The following PTPRO variants were observed in gnomAD, a reference collection of about 807,000 sequenced individuals.
PTPRO encodes receptor-type tyrosine-protein phosphatase O.
PTPRO carries 62 observed loss-of-function variants against 145.2 expected under a neutral mutation model. The ratio of observed to expected loss-of-function variants is 0.43; its 90% CI spans 0.35 to 0.53. The LOEUF is 0.53. PTPRO is among the 20% of genes least tolerant of loss of function. The pLI is 0.01. For synonymous variants in PTPRO, 565 were observed against 514.7 expected (o/e 1.10, Z -1.32); for missense variants, 1,345 against 1,482.7 (o/e 0.91, Z 1.53).
intron 9 of PTPRO, among the ~76,000 whole-genome samples, chr12:15,518,121 G>A (rs574194856): frequency 3.3e-5 from 5 of 152,328 alleles, no homozygotes; most frequent in Admixed American, 1.3e-4. Flanking sequence ...AAATCTAGGT[G>A]GAGGTTCCCA....
intron 1 of PTPRO, among the ~76,000 whole-genome samples, chr12:15,469,152 G>A (rs374210988): frequency 3.0e-4 from 45 of 152,196 alleles, no homozygotes; most frequent in African/African-American, 9.4e-4. Context: ...CATCCATTCC[G>A]AAATAAATGA....
intron 1 of PTPRO, among the ~76,000 whole-genome samples, chr12:15,390,066 G>A (rs1486820423): frequency 6.6e-6 from 1 of 152,184 alleles, no homozygotes; most frequent in Non-Finnish European, 1.5e-5. Context: ...CTATTGATGA[G>A]CTTCCCCAAG....
At chr12:15,341,636 A>G (rs982724542) in intron 1 of PTPRO, among the ~76,000 whole-genome samples, 1 of 152,244 alleles carries the variant, frequency 6.6e-6, no homozygotes, top group African/African-American at 2.4e-5. Flanking sequence ...TATTAAAGGC[A>G]TACTGCCTTT....
At chr12:15,370,156 A>G (rs1938483393) in intron 1 of PTPRO, among the ~76,000 whole-genome samples, 1 of 152,208 alleles carries the variant, frequency 6.6e-6, no homozygotes, top group South Asian at 2.1e-4. Flanking sequence ...TCTTGCAGAC[A>G]GTCTTTGTAT....
chr12:15,580,182 T>A lies in PTPRO; in HGVS notation c.2997+67T>A, dbSNP rs10846214. The stretch of plus-strand genomic sequence containing the variant: ...CCAGAGAAAGACTAGCAGGGCTATA[T>A]GGATGTGTCAAACAGTTCAAAAGAG... On this transcript the variant is annotated intron_variant, in intron 21 of 26. Transcript: ENST00000281171. 0.2 allele frequency: 249,305 copies of A among 1,253,742 alleles called. 25,635 individuals carry two copies. The highest frequency in any genetic ancestry group is 0.27 in the Middle Eastern group (1,448 of 5,444). The allele number at this position is 1,253,742 out of a possible 1,614,324, so 77.7% of individuals were successfully genotyped here.
At chr12:15,517,219 C>G (rs1029506439) in intron 9 of PTPRO, among the ~76,000 whole-genome samples, 1 of 152,160 alleles carries the variant, frequency 6.6e-6, no homozygotes, top group Admixed American at 6.5e-5. Flanking sequence ...CAAGTCATGT[C>G]TTATACAGAT....
chr12:15,479,037 C>T (rs1941722010), intron 1 of PTPRO, among the ~76,000 whole-genome samples: 1 of 152,186 alleles, frequency 6.6e-6, no homozygotes, highest in South Asian at 2.1e-4. Context: ...CTTCACCGCA[C>T]TGAATGTGCG....
intron 12 of PTPRO, among the ~76,000 whole-genome samples, chr12:15,531,674 T>C (rs1401715889): frequency 1.3e-5 from 2 of 152,224 alleles, no homozygotes; most frequent in East Asian, 3.8e-4. Flanking sequence ...AGTTGTGTGA[T>C]AGACCTTTAG....
chr12:15,372,272 A>T (rs1938554375), intron 1 of PTPRO, among the ~76,000 whole-genome samples: 1 of 152,184 alleles, frequency 6.6e-6, no homozygotes, highest in African/African-American at 2.4e-5. Context: ...GAGATATTTG[A>T]TTACCATGAA....
intron 25 of PTPRO, among the ~76,000 whole-genome samples, chr12:15,590,473 C>T (rs527329675): frequency 1.3e-5 from 2 of 152,244 alleles, no homozygotes; most frequent in East Asian, 1.9e-4. Flanking sequence ...GACCTGTAAT[C>T]AGGGTATTTT....
At chr12:15,534,895 T>G (rs1943037084) in intron 12 of PTPRO, among the ~76,000 whole-genome samples, 1 of 152,206 alleles carries the variant, frequency 6.6e-6, no homozygotes, top group Non-Finnish European at 1.5e-5. Context: ...TATATTCTAA[T>G]TCAAAGAAGT....
At chr12:15,360,622 T>C (rs1938144367) in intron 1 of PTPRO, among the ~76,000 whole-genome samples, 1 of 151,084 alleles carries the variant, frequency 6.6e-6, no homozygotes, top group Admixed American at 6.6e-5. Context: ...TCTCTCTCTA[T>C]ATATATATGT....
intron 1 of PTPRO, among the ~76,000 whole-genome samples, chr12:15,383,474 TG>T (rs1565598653): frequency 6.6e-6 from 1 of 152,174 alleles, no homozygotes; most frequent in African/African-American, 2.4e-5. Flanking sequence ...AATGACTTAA[TG>T]TTGATGATAA....
At chr12:15,458,050 T>C (rs1941219523) in intron 1 of PTPRO, among the ~76,000 whole-genome samples, 1 of 152,224 alleles carries the variant, frequency 6.6e-6, no homozygotes, top group Non-Finnish European at 1.5e-5. Context: ...CCGGTAGTGG[T>C]GAATTTCCTC....
intron 1 of PTPRO, among the ~76,000 whole-genome samples, chr12:15,464,624 G>C (rs1941377832): frequency 6.6e-6 from 1 of 151,576 alleles, no homozygotes; most frequent in South Asian, 2.1e-4. Flanking sequence ...CTCCCAAAGT[G>C]CTGGGATTAC....
Position 15,504,024 on chromosome 12 carries a change from G to C in PTPRO, c.1222G>C (p.Glu408Gln), listed in dbSNP as rs745432447. 35 of 1,613,028 alleles carry C rather than the reference G, an allele frequency of 2.2e-5. No individual in the cohort carries two copies. In the Middle Eastern group the frequency reaches 4.9e-4, roughly 23 times the overall value. ...AACCTTTAGTTCCTCAGGATCTTGT[G>C]AAACTCGAAAAAGTCAGTCAGCAAA... ...VTTFSSSGSC[E>Q]TRKSQSAKSL... Residue 408 changes from glutamate to glutamine, a missense_variant, in exon 6 of 27, where the codon GAA (glutamate) becomes CAA (glutamine). Glu to Gln is a conservative substitution (Grantham distance 29). Transcript: ENST00000281171.
At chr12:15,525,972 G>A (rs113308584) in intron 11 of PTPRO, among the ~76,000 whole-genome samples, 170 bp from the exon 12 acceptor site, 1 of 152,282 alleles carries the variant, frequency 6.6e-6, no homozygotes, top group African/African-American at 2.4e-5. Context: ...GGGCCCAGCT[G>A]AGGAATTTAT....
At chr12:15,390,172 C>G (rs754403303) in intron 1 of PTPRO, among the ~76,000 whole-genome samples, 19 of 152,050 alleles carry the variant, frequency 1.2e-4, no homozygotes, top group Non-Finnish European at 2.4e-4. Context: ...AAGCATTTAT[C>G]CATTGGTCCC....
At chr12:15,339,201 T>G (rs1317485079) in intron 1 of PTPRO, among the ~76,000 whole-genome samples, 2 of 152,056 alleles carry the variant, frequency 1.3e-5, no homozygotes, top group African/African-American at 4.8e-5. Flanking sequence ...TTTAAACAGT[T>G]AAGAGCAGGT....
Sources: gnomAD v4.1 joint callset for allele counts (sites outside exome capture counted in the v4.1 genomes callset) on GRCh38, gnomAD v4.1.1 for gene constraint, MANE v1.5 for transcripts, NCBI Gene and HGNC (gene_info 2026-07-23, HGNC 2026-07-21) for gene names.